ULK4: variants seen among roughly 807,000 people sequenced by gnomAD.
The protein encoded by ULK4 is unc-51 like kinase 4.
In ULK4, 133 loss-of-function variants were observed where a neutral mutation model predicts 160.6. The ratio of observed to expected loss-of-function variants is 0.83; its 90% confidence interval spans 0.72 to 0.96. The LOEUF (loss-of-function observed/expected upper bound fraction) is 0.96, where lower values mean the gene tolerates loss of function less well. Among genes scored for constraint, ULK4 ranks in the 40% least tolerant of loss-of-function variants. The probability of loss-of-function intolerance (pLI) is 0.00; values close to 1 mark genes in which losing one functional copy is unlikely to be tolerated. For missense variants in ULK4, 1,580 were observed against 1,499.5 expected (o/e 1.05, Z -0.89); for synonymous variants, 534 against 539.8 (o/e 0.99, Z 0.15).
At chr3:41,488,913 A>G (rs999829964) in intron 32 of ULK4, among the ~76,000 whole-genome samples, 1 of 152,040 alleles carries the variant, frequency 6.6e-6, no homozygotes, top group African/African-American at 2.4e-5. Flanking sequence ...TGAGAAAATG[A>G]CACACTCCAG....
At chr3:41,770,993 G>T in intron 21 of ULK4, among the ~76,000 whole-genome samples, 1 of 152,162 alleles carries the variant, frequency 6.6e-6, no homozygotes, top group East Asian at 1.9e-4. Context: ...ACGAAGACCT[G>T]TAGATTGAAA....
At chr3:41,895,680 C>T (rs755921139) in intron 15 of ULK4, 116 bp from the exon 16 acceptor site, 30 of 463,532 alleles carry the variant, frequency 6.5e-5, no homozygotes, top group Non-Finnish European at 1.1e-4. Context: ...GAAATTTACA[C>T]TGTACACCAA....
intron 35 of ULK4, among the ~76,000 whole-genome samples, chr3:41,324,512 G>C (rs764462762): frequency 1.2e-4 from 18 of 152,292 alleles, no homozygotes; most frequent in Non-Finnish European, 2.4e-4. Flanking sequence ...GTTAGTAAAA[G>C]CTCAAGAATC....
chr3:41,732,051 C>G (rs935962933), intron 22 of ULK4, among the ~76,000 whole-genome samples: 3 of 152,056 alleles, frequency 2.0e-5, no homozygotes, highest in Admixed American at 6.6e-5. Context: ...CATAGGGAAA[C>G]TGCTTCATTA....
chr3:41,317,063 A>ATTTTTTTTTTTTTTTTTTT (rs1164870603), intron 35 of ULK4, among the ~76,000 whole-genome samples: 3 of 94,520 alleles, frequency 3.2e-5, no homozygotes, highest in African/African-American at 4.3e-5. Flanking sequence ...AATTACATCT[A>ATTTTTTTTTTTTTTTTTTT]TTTTTTTTTT....
At chr3:41,338,711 A>G (rs2080617327) in intron 35 of ULK4, among the ~76,000 whole-genome samples, 1 of 152,132 alleles carries the variant, frequency 6.6e-6, no homozygotes, top group South Asian at 2.1e-4. Context: ...TAGTAGGATA[A>G]TGTGCACATA....
At chr3:41,516,644 T>G (rs1054411340) in intron 32 of ULK4, among the ~76,000 whole-genome samples, 1 of 129,258 alleles carries the variant, frequency 7.7e-6, no homozygotes, top group East Asian at 2.2e-4. Context: ...ACAATTGAAC[T>G]CATGAACATA....
chr3:41,640,223 A>G (rs1304870527), intron 30 of ULK4, among the ~76,000 whole-genome samples: 1 of 152,182 alleles, frequency 6.6e-6, no homozygotes, highest in Non-Finnish European at 1.5e-5. Context: ...AAAGCTCACT[A>G]TGCACTCATA....
At chr3:41,293,126 A>T (rs2079604202) in intron 35 of ULK4, among the ~76,000 whole-genome samples, 1 of 152,012 alleles carries the variant, frequency 6.6e-6, no homozygotes, top group African/African-American at 2.4e-5. Context: ...AAAGAATAGG[A>T]CTGGTAACCT....
chr3:41,942,250 G>A (rs1016837818), intron 2 of ULK4, among the ~76,000 whole-genome samples: 1 of 152,204 alleles, frequency 6.6e-6, no homozygotes, highest in Non-Finnish European at 1.5e-5. Flanking sequence ...CAGGTGCAGT[G>A]GCTAACACCT....
Position 41,775,061 on chromosome 3 carries a change from A to G in ULK4, c.2193+14600T>C, listed in dbSNP as rs899483144. ...CACAGGAAGGGGAACATCACATACC[A>G]GGGACGTTGTGAGGTGGAGGGAGGG... On this transcript the variant is annotated intron_variant, in intron 21 of 36. Transcript: ENST00000301831. Among the ~76,000 whole-genome samples the G allele has an allele frequency of 2.7e-5, 3 of 112,378 alleles. No individual in the cohort carries two copies. In the South Asian group the frequency reaches 9.2e-4, roughly 34 times the overall value. 73.7% of individuals were successfully genotyped at this position (112,378 alleles called of 152,430 possible). A position where few individuals can be genotyped will look rare whatever the true frequency, so the allele number is the denominator to read the frequency against.
chr3:41,631,484 T>A (rs964106212), intron 30 of ULK4, among the ~76,000 whole-genome samples: 3 of 152,314 alleles, frequency 2.0e-5, no homozygotes, highest in Middle Eastern at 3.4e-3. Context: ...TATCTCTGAT[T>A]TAGGGAAATC....
intron 31 of ULK4, among the ~76,000 whole-genome samples, chr3:41,609,809 A>C (rs1180617718): frequency 2.6e-5 from 4 of 151,978 alleles, no homozygotes. Context: ...CCATCACTAC[A>C]AACACTACGA....
Position 41,806,352 on chromosome 3 carries a change from G to T in ULK4, c.1849-6059C>A, listed in dbSNP as rs192874549. Among the ~76,000 whole-genome samples the T allele has an allele frequency of 4.1e-4, 62 of 152,138 alleles. No homozygotes were observed. The East Asian group carries it at 0.012, about 28-fold the overall frequency. ...GATATCCCCTTTATCACTTTTTATT[G>T]AGTCTATTTGATTCTTCTCTCTTTT... is the stretch of plus-strand genomic sequence containing the variant. On this transcript the variant is annotated intron_variant, in intron 19 of 36. Transcript: ENST00000301831.
Position 41,708,177 on chromosome 3 carries a change from C to CATATATATATAT in ULK4, c.2635-2884_2635-2873dup, listed in dbSNP as rs151064663. On this transcript the variant is annotated intron_variant, in intron 25 of 36. Transcript: ENST00000301831. The stretch of plus-strand genomic sequence containing the variant: ...CCAACTACTGAAATAAATACATATA[C>CATATATATATAT]ATATATATATATATTTCCAAAGGAA... Among the ~76,000 whole-genome samples the CATATATATATAT allele has an allele frequency of 3.8e-3, 566 of 150,006 alleles. 8 individuals are homozygous for CATATATATATAT. The highest frequency in any genetic ancestry group is 0.014 in the Middle Eastern group (4 of 286).
chr3:41,843,447 T>C (rs1026421252), intron 17 of ULK4, among the ~76,000 whole-genome samples: 9 of 152,136 alleles, frequency 5.9e-5, no homozygotes, highest in African/African-American at 2.2e-4. Flanking sequence ...GTCGGGAGTT[T>C]GTTCCTTCTG....
At chr3:41,418,968 A>C (rs1420582895) in intron 34 of ULK4, among the ~76,000 whole-genome samples, 2 of 152,234 alleles carry the variant, frequency 1.3e-5, no homozygotes. Flanking sequence ...CAGCCTATGC[A>C]AGTGAGGGAA....
In ULK4 at chr3:41,406,313, T is replaced by C. The variant is rs559651716; in HGVS notation, c.3493-8049A>G. ...CTTTATTTCTGGGTTCTCTATTCTG[T>C]TTCATTGGTCTATGTGTCTGTTTCT... On this transcript the variant is annotated intron_variant, in intron 34 of 36. Transcript: ENST00000301831. Among the ~76,000 whole-genome samples the C allele has an allele frequency of 2.2e-4, 33 of 152,354 alleles. 2 individuals are homozygous for C. The South Asian group carries it at 6.4e-3, about 30-fold the overall frequency.
intron 35 of ULK4, among the ~76,000 whole-genome samples, chr3:41,388,787 A>G (rs2081884236): frequency 6.6e-6 from 1 of 152,044 alleles, no homozygotes; most frequent in South Asian, 2.1e-4. Context: ...GCCTTGTAGT[A>G]TAGTTTGAAG....
Sources: allele counts gnomAD v4.1 joint callset (sites outside exome capture counted in the v4.1 genomes callset), GRCh38; gene constraint gnomAD v4.1.1; transcripts MANE v1.5; gene names NCBI Gene and HGNC (gene_info 2026-07-23, HGNC 2026-07-21).